Variants in METTL15 observed in about 807,000 individuals in gnomAD.
The protein encoded by METTL15 is methyltransferase 15, mitochondrial 12S rRNA N4-cytidine, also known as 12S rRNA N(4)-cytidine methyltransferase METTL15.
Under a neutral mutation model 38.3 loss-of-function variants are expected in METTL15, and 34 were observed. That is an observed-to-expected ratio of 0.89 (90% CI 0.68 to 1.18). The LOEUF is 1.18. Ranked by LOEUF, METTL15 falls within the 50% of genes most tolerant of loss-of-function variation. METTL15 has a pLI of 0.00. For missense variants in METTL15, 438 were observed against 498.4 expected, an observed-to-expected ratio of 0.88 and a Z score of 1.15; for synonymous variants, 162 against 170.9, an observed-to-expected ratio of 0.95 and a Z score of 0.41.
intron 3 of METTL15, among the ~76,000 whole-genome samples, chr11:28,345,291 C>T (rs1055229835): frequency 2.6e-5 from 4 of 152,126 alleles, no homozygotes; most frequent in Admixed American, 6.6e-5. Flanking sequence ...CAGGTTCAAG[C>T]GATTCTTGTA....
At chr11:28,195,283 A>C (rs931158639) in intron 3 of METTL15, among the ~76,000 whole-genome samples, 2 of 152,094 alleles carry the variant, frequency 1.3e-5, no homozygotes, top group African/African-American at 4.8e-5. Flanking sequence ...TCTTTGAGAA[A>C]TCTCCATGCT....
chr11:28,177,651 T>C (rs1475347491), intron 3 of METTL15, among the ~76,000 whole-genome samples: 1 of 151,976 alleles, frequency 6.6e-6, no homozygotes, highest in Non-Finnish European at 1.5e-5. Context: ...TAGGAAAGTA[T>C]TTGATGTTGA....
chr11:28,438,358 T>C (rs907832653), intron 6 of METTL15, among the ~76,000 whole-genome samples: 1 of 152,244 alleles, frequency 6.6e-6, no homozygotes, highest in Non-Finnish European at 1.5e-5. Flanking sequence ...CTTGTCCTTG[T>C]AGGCAGAAAC....
chr11:28,223,115 A>G (rs1683101223), intron 4 of METTL15, among the ~76,000 whole-genome samples: 1 of 152,188 alleles, frequency 6.6e-6, no homozygotes, highest in Admixed American at 6.6e-5. Flanking sequence ...CCATCTAAGT[A>G]AAAGAATATC....
intron 6 of METTL15, among the ~76,000 whole-genome samples, chr11:28,302,535 TAACA>T (rs1856948187): frequency 6.6e-6 from 1 of 152,100 alleles, no homozygotes; most frequent in East Asian, 1.9e-4. Flanking sequence ...CCTGAGACCC[TAACA>T]CAAGCTCTCT....
chr11:28,510,321 A>T (rs1451879773), intron 6 of METTL15, among the ~76,000 whole-genome samples: 1 of 152,226 alleles, frequency 6.6e-6, no homozygotes, highest in Non-Finnish European at 1.5e-5. Context: ...ATTAAAAAAT[A>T]TGTTTTGCAT....
intron 4 of METTL15, among the ~76,000 whole-genome samples, chr11:28,221,537 G>A (rs544525690): frequency 1.4e-3 from 211 of 151,902 alleles, no homozygotes; most frequent in African/African-American, 4.9e-3. Context: ...AAGTTTGATC[G>A]TCTGAAGCCT....
intron 4 of METTL15, among the ~76,000 whole-genome samples, chr11:28,355,430 G>A (rs7114981): frequency 0.99 from 151,030 of 152,288 alleles, 74,907 homozygotes; most frequent in Middle Eastern, 1. Flanking sequence ...CTTTGGAGAA[G>A]ATTCACCATT....
intron 4 of METTL15, among the ~76,000 whole-genome samples, chr11:28,233,383 A>G (rs1475974003): frequency 6.6e-6 from 1 of 152,048 alleles, no homozygotes; most frequent in Non-Finnish European, 1.5e-5. Flanking sequence ...AAATGATTAC[A>G]TTTTTTTGTT....
intron 4 of METTL15, among the ~76,000 whole-genome samples, chr11:28,288,903 A>T (rs2133986223): frequency 6.6e-6 from 1 of 152,184 alleles, no homozygotes; most frequent in East Asian, 1.9e-4. Context: ...CCATATTCAC[A>T]ACTTAGAATT....
At chr11:28,132,471 G>A (rs529601150) in intron 3 of METTL15, among the ~76,000 whole-genome samples, 1 of 151,488 alleles carries the variant, frequency 6.6e-6, no homozygotes, top group Non-Finnish European at 1.5e-5. Context: ...TACTTATTCT[G>A]TGTTTTAAAC....
chr11:28,461,174 A>G (rs1026517752), intron 6 of METTL15, among the ~76,000 whole-genome samples: 1 of 152,112 alleles, frequency 6.6e-6, no homozygotes, highest in Non-Finnish European at 1.5e-5. Context: ...TCATTAGATA[A>G]GACAAACATG....
chr11:28,111,048 T>A (rs1261874219), intron 2 of METTL15, among the ~76,000 whole-genome samples: 1 of 152,142 alleles, frequency 6.6e-6, no homozygotes, highest in Non-Finnish European at 1.5e-5. Context: ...ATAATTTTCT[T>A]TAGAGCATGC....
intron 6 of METTL15, among the ~76,000 whole-genome samples, chr11:28,463,028 A>G (rs951459741): frequency 4.6e-5 from 7 of 152,126 alleles, no homozygotes; most frequent in Admixed American, 3.3e-4. Context: ...AGATGAATAC[A>G]TGGATAATGA....
At chr11:28,377,028 C>G (rs890420140) in intron 5 of METTL15, among the ~76,000 whole-genome samples, 1 of 129,804 alleles carries the variant, frequency 7.7e-6, no homozygotes, top group African/African-American at 2.6e-5. Flanking sequence ...CCGAGAGATC[C>G]GCTGTTAGTC....
intron 6 of METTL15, among the ~76,000 whole-genome samples, chr11:28,308,568 A>G (rs939480368): frequency 5.9e-5 from 9 of 152,184 alleles, no homozygotes; most frequent in Non-Finnish European, 1.3e-4. Flanking sequence ...AAGAACAGAT[A>G]GTTCTTGAAA....
chr11:28,476,912 T>C (rs1267197024), intron 6 of METTL15, among the ~76,000 whole-genome samples: 2 of 152,138 alleles, frequency 1.3e-5, no homozygotes, highest in South Asian at 2.1e-4. Flanking sequence ...ATAATAGACA[T>C]GAGTGAGCAA....
At chr11:28,416,406 A>T (rs1850772874) in intron 5 of METTL15, among the ~76,000 whole-genome samples, 1 of 152,186 alleles carries the variant, frequency 6.6e-6, no homozygotes, top group Admixed American at 6.5e-5. Context: ...TTGGGTAAAG[A>T]ATATGGGTCC....
chr11:28,407,152 A>G (rs2133409167), intron 5 of METTL15, among the ~76,000 whole-genome samples: 2 of 152,200 alleles, frequency 1.3e-5, no homozygotes. Flanking sequence ...CTTACACCTT[A>G]TACAAAAAAT....
Sources: allele counts gnomAD v4.1 joint callset (sites outside exome capture counted in the v4.1 genomes callset), GRCh38; gene constraint gnomAD v4.1.1; transcripts MANE v1.5; gene names NCBI Gene and HGNC (gene_info 2026-07-23, HGNC 2026-07-21).